PTPRD: variants seen among roughly 807,000 people sequenced by gnomAD.
PTPRD encodes the protein protein tyrosine phosphatase receptor type D.
In PTPRD, 34 loss-of-function variants were observed where a neutral mutation model predicts 214.5. That is an observed-to-expected ratio of 0.16 (90% CI 0.12 to 0.21). The LOEUF is 0.21. PTPRD is among the 10% of genes least tolerant of loss of function. The pLI, the probability that PTPRD is intolerant of heterozygous loss-of-function variation, is 1.00. For synonymous variants in PTPRD, 1,128 were observed against 845.7 expected (o/e 1.33, Z -5.79); for missense variants, 2,545 against 2,398.7 (o/e 1.06, Z -1.27).
At chr9:10,020,254 C>A (rs1170183112) in intron 4 of PTPRD, among the ~76,000 whole-genome samples, 1 of 152,184 alleles carries the variant, frequency 6.6e-6, no homozygotes, top group African/African-American at 2.4e-5. Flanking sequence ...TGGCACCGCA[C>A]AATACTATCC....
chr9:10,542,584 T>C (rs555197374), intron 2 of PTPRD, among the ~76,000 whole-genome samples: 1 of 152,286 alleles, frequency 6.6e-6, no homozygotes, highest in Non-Finnish European at 1.5e-5. Flanking sequence ...CTTATAAACA[T>C]TTCTTATTTA....
chr9:8,966,706 T>A (rs1346282607), intron 11 of PTPRD, among the ~76,000 whole-genome samples: 1 of 152,018 alleles, frequency 6.6e-6, no homozygotes, highest in African/African-American at 2.4e-5. Flanking sequence ...GGAAAAGAAT[T>A]TATTACTAAG....
chr9:9,889,122 G>C (rs941852967), intron 5 of PTPRD, among the ~76,000 whole-genome samples: 1 of 152,110 alleles, frequency 6.6e-6, no homozygotes, highest in African/African-American at 2.4e-5. Context: ...GGGATGGTTG[G>C]GGGTGGTGGA....
chr9:10,169,439 A>G (rs1054483909), intron 3 of PTPRD, among the ~76,000 whole-genome samples: 1 of 137,708 alleles, frequency 7.3e-6, no homozygotes, highest in African/African-American at 2.8e-5. Flanking sequence ...GCGCCACTGC[A>G]CTCCAGCCTG....
intron 23 of PTPRD, among the ~76,000 whole-genome samples, chr9:8,503,655 T>C (rs1408766174): frequency 1.3e-5 from 2 of 152,142 alleles, no homozygotes; most frequent in Non-Finnish European, 2.9e-5. Context: ...CAAAATACAA[T>C]TTAGAATTGC....
intron 14 of PTPRD, among the ~76,000 whole-genome samples, chr9:8,622,182 T>C (rs2095846025): frequency 6.6e-6 from 1 of 151,934 alleles, no homozygotes; most frequent in Non-Finnish European, 1.5e-5. Context: ...AATGGGTATA[T>C]TACTCTGAAG....
chr9:8,450,828 C>T (rs929535067), intron 33 of PTPRD, among the ~76,000 whole-genome samples: 8 of 152,168 alleles, frequency 5.3e-5, no homozygotes, highest in African/African-American at 1.9e-4. Flanking sequence ...TCAATAGAAG[C>T]CATTTTCAAA....
intron 5 of PTPRD, among the ~76,000 whole-genome samples, chr9:9,776,925 G>C (rs1164249290): frequency 2.0e-5 from 3 of 151,978 alleles, no homozygotes; most frequent in African/African-American, 4.8e-5. Flanking sequence ...ACTTTCTCCT[G>C]TCCTCTGGGT....
At chr9:8,785,139 G>A (rs758682554) in intron 11 of PTPRD, among the ~76,000 whole-genome samples, 4 of 152,098 alleles carry the variant, frequency 2.6e-5, no homozygotes, top group Non-Finnish European at 5.9e-5. Context: ...CAAAAATCAG[G>A]ACTTGGTGTA....
In PTPRD at chr9:10,463,003, C is replaced by T. The variant is rs567678686; in HGVS notation, c.-599-121986G>A. The stretch of plus-strand genomic sequence containing the variant: ...AAATATATATTATATATATGCCATA[C>T]TCATTTGAGTAATAGTCATTATCTG... On this transcript the variant is annotated intron_variant, in intron 2 of 45. Coordinates refer to ENST00000381196, the MANE Select transcript of PTPRD (RefSeq NM_002839.4). Among the ~76,000 whole-genome samples the T allele has an allele frequency of 9.3e-5, 14 of 150,392 alleles. No homozygotes were observed. The South Asian group carries it at 2.7e-3, about 29-fold the overall frequency.
At chr9:8,717,608 TTTGTAATA>T (rs1317396143) in intron 12 of PTPRD, among the ~76,000 whole-genome samples, 1 of 152,180 alleles carries the variant, frequency 6.6e-6, no homozygotes, top group Non-Finnish European at 1.5e-5. Flanking sequence ...TCCCTAGTAA[TTTGTAATA>T]CTCAGCCTCA....
chr9:8,824,129 G>C (rs10815963), intron 11 of PTPRD, among the ~76,000 whole-genome samples: 1 of 152,186 alleles, frequency 6.6e-6, no homozygotes, highest in African/African-American at 2.4e-5. Context: ...TTATTAGCAA[G>C]GTTTTCATGG....
At position 8,314,322 on chromosome 9, in the gene PTPRD, C is replaced by G. The variant is rs1820838594; in HGVS notation, c.*3552G>C. On this transcript the variant is annotated 3_prime_UTR_variant, in exon 46 of 46. Transcript: ENST00000381196. Reference sequence around the variant, plus strand: ...TGTCAGCAAAGAACTGATTTTCATACAGACTTCTTTCGCCACCAATGTAAC... The same window carrying G: ...TGTCAGCAAAGAACTGATTTTCATAGAGACTTCTTTCGCCACCAATGTAAC... The G allele has an allele frequency of 4.4e-6, 1 of 225,726 alleles. No individual in the cohort carries two copies. The highest frequency in any genetic ancestry group is 2.2e-5 in the African/African-American group (1 of 44,902). The allele number at this position is 225,726 out of a possible 1,614,324, so 14.0% of individuals were successfully genotyped here. A position where few individuals can be genotyped will look rare whatever the true frequency, so the allele number is the denominator to read the frequency against.
intron 7 of PTPRD, among the ~76,000 whole-genome samples, chr9:9,721,010 G>A (rs2097927543): frequency 6.6e-6 from 1 of 151,526 alleles, no homozygotes; most frequent in South Asian, 2.1e-4. Context: ...AGCAAGAAGG[G>A]TACAAAAAAA....
At chr9:9,893,541 G>C (rs577042207) in intron 5 of PTPRD, among the ~76,000 whole-genome samples, 3 of 152,200 alleles carry the variant, frequency 2.0e-5, no homozygotes, top group South Asian at 2.1e-4. Context: ...AAATATAAAA[G>C]TTTATATATA....
chr9:9,678,759 C>G (rs924682359), intron 7 of PTPRD, among the ~76,000 whole-genome samples: 5 of 151,574 alleles, frequency 3.3e-5, no homozygotes, highest in African/African-American at 1.2e-4. Flanking sequence ...AACTTTAAGA[C>G]AACTGTATGT....
At chr9:9,492,598 A>G (rs2095966121) in intron 8 of PTPRD, among the ~76,000 whole-genome samples, 1 of 152,152 alleles carries the variant, frequency 6.6e-6, no homozygotes, top group Non-Finnish European at 1.5e-5. Flanking sequence ...GACAAAATTC[A>G]TCATCTTTTC....
At chr9:9,647,957 G>A (rs1478408077) in intron 7 of PTPRD, among the ~76,000 whole-genome samples, 2 of 152,004 alleles carry the variant, frequency 1.3e-5, no homozygotes, top group Non-Finnish European at 2.9e-5. Flanking sequence ...TCTTTCTTTT[G>A]TTGAAGCACA....
chr9:9,898,311 T>A (rs996540577), intron 5 of PTPRD, among the ~76,000 whole-genome samples: 1 of 152,090 alleles, frequency 6.6e-6, no homozygotes, highest in Non-Finnish European at 1.5e-5. Flanking sequence ...TTCAATGGTA[T>A]GCTAGCCTAT....
Sources: gnomAD v4.1 joint callset for allele counts (sites outside exome capture counted in the v4.1 genomes callset) on GRCh38, gnomAD v4.1.1 for gene constraint, MANE v1.5 for transcripts, NCBI Gene and HGNC (gene_info 2026-07-23, HGNC 2026-07-21) for gene names.